The following ZNF430 variants were observed in gnomAD, a reference collection of about 807,000 sequenced individuals.
ZNF430 encodes the protein zinc finger protein 430.
A neutral mutation model predicts 56.7 loss-of-function variants in ZNF430; 35 were observed. That is an observed-to-expected ratio of 0.62 (90% confidence interval 0.47 to 0.82). The LOEUF (loss-of-function observed/expected upper bound fraction) is 0.82. ZNF430 is among the 40% of genes least tolerant of loss of function. ZNF430 has a pLI of 0.00. For missense variants in ZNF430, 574 were observed against 661.0 expected (o/e 0.87, Z 1.44); for synonymous variants, 212 against 224.3 (o/e 0.94, Z 0.49).
intron 2 of ZNF430, among the ~76,000 whole-genome samples, chr19:21,029,604 C>T (rs1016815107): frequency 3.3e-5 from 5 of 152,102 alleles, no homozygotes; most frequent in African/African-American, 9.7e-5. Flanking sequence ...TTCAGATTCA[C>T]GTTTTTTGGA....
At position 21,057,688 on chromosome 19, in the gene ZNF430, A is replaced by G; in HGVS notation, c.1380A>G (p.Glu460=). Residue 460 remains glutamate (E), a synonymous_variant, in exon 5 of 5, where the codon GAA becomes GAG. Transcript: ENST00000261560. ...CTGGAGAGAAACCCTACAAATGTGA[A>G]GAATGTGGCAAAGCCTTTAACCGGT... ...IHTGEKPYKC[E]ECGKAFNRSP... 1 of 1,610,286 alleles carries G rather than the reference A, an allele frequency of 6.2e-7. No individual in the cohort carries two copies. Among genetic ancestry groups the G allele is most frequent in the Non-Finnish European group, 8.5e-7 (1 of 1,178,410 alleles).
At position 21,034,072 on chromosome 19, in the gene ZNF430, T is replaced by C; in HGVS notation, c.224-14T>C. 2 of 1,600,082 alleles carry C rather than the reference T, an allele frequency of 1.2e-6. No individual in the cohort carries two copies. The highest frequency in any genetic ancestry group is 2.2e-5 in the South Asian group (2 of 90,728). ...GAATATGAGAAAGATTCATGTTATTTATTTTCAATAAAGCAGGTATTGCTG... is the reference window on the plus strand; with the variant it reads ...GAATATGAGAAAGATTCATGTTATTCATTTTCAATAAAGCAGGTATTGCTG... On this transcript the variant is annotated splice_polypyrimidine_tract_variant and intron_variant, in intron 3 of 4. Transcript: ENST00000261560.
In ZNF430 at chr19:21,034,097, G is replaced by A; in HGVS notation, c.235G>A (p.Val79Ile). 6.2e-7 allele frequency: 1 copy of A among 1,613,094 alleles called. No individual in the cohort carries two copies. The highest frequency in any genetic ancestry group is 8.5e-7 in the Non-Finnish European group (1 of 1,179,430). Residue 79 changes from valine (V) to isoleucine (I), a missense_variant, in exon 4 of 5, where the codon GTT (valine) becomes ATT (isoleucine). Physicochemically the swap from Val to Ile is conservative, Grantham distance 29 (BLOSUM62 3). Transcript: ENST00000261560. ...TATTTTCAATAAAGCAGGTATTGCT[G>A]TTTCTAAGCCAGACCTGATCACCTG... ...RNLVFLAGIA[V>I]SKPDLITCLE...
At chr19:21,036,656 A>C (rs1968004901) in intron 4 of ZNF430, 1 of 152,098 alleles carries the variant, frequency 6.6e-6, no homozygotes, top group African/African-American at 2.4e-5. Flanking sequence ...TTTTAAAAAT[A>C]GCCAGGCATA....
chr19:21,056,863 CT>C lies in ZNF430; in HGVS notation c.559del (p.Tyr187IlefsTer11). 1 of 1,609,900 alleles carries C rather than the reference CT, an allele frequency of 6.2e-7. No individual in the cohort carries two copies. The highest frequency in any genetic ancestry group is 1.1e-5 in the South Asian group (1 of 90,120). On this transcript the variant is annotated frameshift_variant, in exon 5 of 5. Coordinates refer to ENST00000261560, the MANE Select transcript of ZNF430 (RefSeq NM_025189.4). LOFTEE classifies it high-confidence loss of function. ...IFQYDKYVNV[F>X]YKFSNPNIQK... Reference sequence around the variant, plus strand: ...TTCAATATGATAAATATGTGAATGTCTTTTATAAATTTTCAAATCCAAATAT... The same window carrying C: ...TTCAATATGATAAATATGTGAATGTCTTTATAAATTTTCAAATCCAAATAT...
intron 4 of ZNF430, 143 bp from the exon 5 acceptor site, chr19:21,056,488 A>G: frequency 5.8e-6 from 1 of 173,448 alleles, no homozygotes; most frequent in Non-Finnish European, 1.0e-5. Flanking sequence ...GACTCTGTCT[A>G]AAAAAAAAAA....
intron 4 of ZNF430, among the ~76,000 whole-genome samples, chr19:21,040,687 G>A (rs1968086456): frequency 6.6e-6 from 1 of 152,100 alleles, no homozygotes; most frequent in Non-Finnish European, 1.5e-5. Flanking sequence ...AATGTTGTCT[G>A]TTTTCTTACT....
rs1302404045 is a variant in ZNF430 at position 21,058,772 on chromosome 19, T to G, written c.*751T>G. The G allele has an allele frequency of 6.6e-6, 1 of 152,298 alleles. No individual in the cohort carries two copies. Among genetic ancestry groups the G allele is most frequent in the Non-Finnish European group, 1.5e-5 (1 of 68,054 alleles). 9.4% of individuals were successfully genotyped at this position (152,298 alleles called of 1,614,324 possible). ...ACCATGAAAAAGCCATTAATATCTATTCACATCTTACCACTGGAGAGTTCA... is the reference window on the plus strand; with the variant it reads ...ACCATGAAAAAGCCATTAATATCTAGTCACATCTTACCACTGGAGAGTTCA... On this transcript the variant is annotated 3_prime_UTR_variant, in exon 5 of 5. Transcript: ENST00000261560.
chr19:21,024,043 C>T (rs1807279641), intron 2 of ZNF430, among the ~76,000 whole-genome samples: 7 of 152,152 alleles, frequency 4.6e-5, no homozygotes, highest in Admixed American at 4.6e-4. Flanking sequence ...AAGTGAGTAA[C>T]TCTAACATAG....
chr19:21,050,615 A>G, intron 4 of ZNF430, among the ~76,000 whole-genome samples: 1 of 152,174 alleles, frequency 6.6e-6, no homozygotes, highest in East Asian at 1.9e-4. Flanking sequence ...TGTGGAAGAA[A>G]CACTCTTGGA....
chr19:21,056,698 C>T lies in ZNF430; in HGVS notation c.390C>T (p.Val130=). The change falls in exon 5 of 5, where the codon GTC becomes GTT. Residue 130 remains valine, a synonymous_variant. Transcript: ENST00000261560. ...GCATAAAAGATTCTTTCCAAGAAGT[C>T]ATATTGAGAAGATATGGAAAATGTG... ...EQGIKDSFQE[V]ILRRYGKCGH... 8 of 1,602,768 alleles carry T rather than the reference C, an allele frequency of 5.0e-6. No homozygotes were observed. The highest frequency in any genetic ancestry group is 6.8e-6 in the Non-Finnish European group (8 of 1,174,254).
rs201252862 is a variant in ZNF430 at position 21,022,884 on chromosome 19, A to T, written c.96+3A>T. The T allele has an allele frequency of 3.7e-6, 6 of 1,607,744 alleles. No homozygotes were observed. Among genetic ancestry groups the T allele is most frequent in the Non-Finnish European group, 5.1e-6 (6 of 1,174,358 alleles). ...TGGTGTACTCTTTTTATGAAAAGGT[A>T]ACCCCTTGAGATGTTAAAATTGTCT... is the stretch of plus-strand genomic sequence containing the variant. On this transcript the variant is annotated splice_donor_region_variant and intron_variant, in intron 2 of 4. Coordinates refer to ENST00000261560, the MANE Select transcript of ZNF430 (RefSeq NM_025189.4).
At chr19:21,047,438 T>C (rs1274873300) in intron 4 of ZNF430, among the ~76,000 whole-genome samples, 1 of 152,156 alleles carries the variant, frequency 6.6e-6, no homozygotes. Flanking sequence ...GTTTTCAGCA[T>C]TTTTTGGTTT....
chr19:21,058,275 T>A lies in ZNF430; in HGVS notation c.*254T>A, dbSNP rs1243382238. On this transcript the variant is annotated 3_prime_UTR_variant, in exon 5 of 5. Transcript: ENST00000261560. ...GCCTGACCAACATGGTGAAATCCTGTCTCTACTAAAAATACAAAATTAGCC... is the reference window on the plus strand; with the variant it reads ...GCCTGACCAACATGGTGAAATCCTGACTCTACTAAAAATACAAAATTAGCC... 1 of 429,842 alleles carries A rather than the reference T, an allele frequency of 2.3e-6. No individual in the cohort carries two copies. The highest frequency in any genetic ancestry group is 2.0e-5 in the African/African-American group (1 of 50,266). 26.6% of individuals were successfully genotyped at this position (429,842 alleles called of 1,614,324 possible).
At chr19:21,052,017 GT>G (rs1483839313) in intron 4 of ZNF430, among the ~76,000 whole-genome samples, 7 of 151,816 alleles carry the variant, frequency 4.6e-5, no homozygotes, top group African/African-American at 1.7e-4. Flanking sequence ...TTAAATCTCT[GT>G]ATTACATTGA....
At chr19:21,030,479 A>G (rs1472348866) in intron 2 of ZNF430, among the ~76,000 whole-genome samples, 3 of 150,734 alleles carry the variant, frequency 2.0e-5, no homozygotes, top group Non-Finnish European at 3.0e-5. Flanking sequence ...TAAACATTGC[A>G]TTTGTATATG....
chr19:21,023,244 G>T (rs1409374434), intron 2 of ZNF430, among the ~76,000 whole-genome samples: 5 of 152,112 alleles, frequency 3.3e-5, no homozygotes. Context: ...AGCAGGAGTG[G>T]GTGGAAGACT....
At chr19:21,020,945 C>T (rs1048119197) in intron 1 of ZNF430, 142 bp downstream of exon 1, 1 of 1,190,592 alleles carries the variant, frequency 8.4e-7, no homozygotes, top group Non-Finnish European at 1.2e-6. Context: ...GGCCTCAGTC[C>T]CCATCAGCCT....
chr19:21,021,823 ATTTTTTTTTTTTTTTT>A (rs71174785), intron 1 of ZNF430, among the ~76,000 whole-genome samples: 1 of 85,724 alleles, frequency 1.2e-5, no homozygotes, highest in African/African-American at 5.3e-5. Flanking sequence ...CCTGAGTTAG[ATTTTTTTTTTTTTTTT>A]TTTTTTTTTT....
Sources: gnomAD v4.1 joint callset for allele counts (sites outside exome capture counted in the v4.1 genomes callset) on GRCh38, gnomAD v4.1.1 for gene constraint, MANE v1.5 for transcripts, NCBI Gene and HGNC (gene_info 2026-07-23, HGNC 2026-07-21) for gene names.